Variants in TRPC5 observed in about 807,000 individuals in gnomAD.
TRPC5 encodes the protein short transient receptor potential channel 5.
A neutral mutation model predicts 56.5 loss-of-function variants in TRPC5; 9 were observed. The ratio of observed to expected loss-of-function variants is 0.16; its 90% CI spans 0.10 to 0.28. The LOEUF (loss-of-function observed/expected upper bound fraction) is 0.28. TRPC5 is among the 10% of genes least tolerant of loss of function. TRPC5 has a pLI of 1.00. For synonymous variants in TRPC5, 282 were observed against 278.5 expected (o/e 1.01, Z -0.13); for missense variants, 469 against 748.9 (o/e 0.63, Z 4.36).
intron 1 of TRPC5, among the ~76,000 whole-genome samples, chrX:112,023,234 GTTTTTTTTTTTGTTTTT>G (rs1336006902): frequency 1.5e-3 from 67 of 45,959 alleles, no homozygotes; most frequent in African/African-American, 5.1e-3. Context: ...GCGCCCAGCA[GTTTTTTTTTTTGTTTTT>G]TTTTTTTTTT....
chrX:111,945,524 CCT>C (rs1442434482), intron 2 of TRPC5, among the ~76,000 whole-genome samples: 1 of 110,451 alleles, frequency 9.1e-6, no homozygotes, highest in Non-Finnish European at 1.9e-5. Flanking sequence ...CACACACACC[CCT>C]GTTTGGTGAG....
chrX:112,004,401 A>T (rs1361402520), intron 1 of TRPC5, among the ~76,000 whole-genome samples: 1 of 111,918 alleles, frequency 8.9e-6, no homozygotes, highest in Non-Finnish European at 1.9e-5. Context: ...GTGAGATAGA[A>T]GAATGCTGAA....
At chrX:112,008,721 T>C (rs1391284448) in intron 1 of TRPC5, among the ~76,000 whole-genome samples, 1 of 112,029 alleles carries the variant, frequency 8.9e-6, no homozygotes, top group Non-Finnish European at 1.9e-5. Flanking sequence ...TCAGTTTTTC[T>C]AGGCATAATA....
At chrX:112,032,748 A>G (rs1364076259) in intron 1 of TRPC5, among the ~76,000 whole-genome samples, 4 of 112,190 alleles carry the variant, frequency 3.6e-5, no homozygotes, top group African/African-American at 1.3e-4. Flanking sequence ...AGCAAGGTGC[A>G]AGAGTTCCAA....
intron 1 of TRPC5, among the ~76,000 whole-genome samples, chrX:111,960,569 C>T (rs913785609): frequency 1.8e-5 from 2 of 111,826 alleles, no homozygotes; most frequent in Non-Finnish European, 3.8e-5. Flanking sequence ...AGAATGGAAA[C>T]ACACTGAAAC....
At chrX:111,959,389 G>A (rs1048586111) in intron 1 of TRPC5, among the ~76,000 whole-genome samples, 3 of 111,986 alleles carry the variant, frequency 2.7e-5, no homozygotes, top group African/African-American at 6.5e-5. Context: ...CTCCATGGTA[G>A]CTACTAAGAA....
chrX:112,062,627 TGCAGAGGAA>T (rs1930484900), intron 1 of TRPC5, among the ~76,000 whole-genome samples: 1 of 112,259 alleles, frequency 8.9e-6, no homozygotes, highest in African/African-American at 3.2e-5. Flanking sequence ...TATAGGTAAA[TGCAGAGGAA>T]GCAGAGGTTG....
At chrX:111,823,052 T>C (rs953155110) in intron 7 of TRPC5, among the ~76,000 whole-genome samples, 5 of 112,201 alleles carry the variant, frequency 4.5e-5, no homozygotes, top group African/African-American at 1.6e-4. Flanking sequence ...GTCACCAAAA[T>C]CATTAGCAGG....
intron 2 of TRPC5, among the ~76,000 whole-genome samples, chrX:111,940,161 A>G (rs1926729385): frequency 8.9e-6 from 1 of 111,921 alleles, no homozygotes; most frequent in Admixed American, 9.5e-5. Flanking sequence ...GATAGGAGCT[A>G]TCATCCCACT....
chrX:112,044,365 G>C (rs1451355614), intron 1 of TRPC5, among the ~76,000 whole-genome samples: 1 of 111,591 alleles, frequency 9.0e-6, no homozygotes, highest in Admixed American at 9.6e-5. Flanking sequence ...ACAATAATTA[G>C]AAAAGACAAT....
chrX:111,787,599 C>G (rs1945978599), intron 7 of TRPC5, among the ~76,000 whole-genome samples: 1 of 108,780 alleles, frequency 9.2e-6, no homozygotes. Flanking sequence ...AAAAAAAACC[C>G]TTCAAAAACC....
In TRPC5 at chrX:111,768,953, A is replaced by G. The variant is rs1048009976; in HGVS notation, c.*7360T>C. Among the ~76,000 whole-genome samples the G allele has an allele frequency of 5.6e-5, 6 of 107,934 alleles. No individual in the cohort carries two copies. The highest frequency in any genetic ancestry group is 3.8e-4 in the Admixed American group (4 of 10,396). 93.7% of individuals were successfully genotyped at this position (107,934 alleles called of 115,157 possible). On this transcript the variant is annotated 3_prime_UTR_variant, in exon 11 of 11. Coordinates refer to ENST00000262839, the MANE Select transcript of TRPC5 (RefSeq NM_012471.3). The stretch of plus-strand genomic sequence containing the variant: ...TTAATATGTTTTACAAGGAGGTCCT[A>G]CAAGGTGTGGCCACAACATGATGAG...
In TRPC5 at chrX:111,853,816, C is replaced by T; in HGVS notation, c.1191G>A (p.Gly397=). 8.3e-7 allele frequency: 1 copy of T among 1,211,932 alleles called. No homozygotes were observed. The highest frequency in any genetic ancestry group is 2.3e-4 in the Middle Eastern group (1 of 4,350). Residue 397 remains glycine (G), a synonymous_variant, in exon 4 of 11, where the codon GGG becomes GGA. Transcript: ENST00000262839. ...HIVRTDLHVQ[G]PPPTVVEWMI... ...TCCATTCCACGACAGTTGGGGGAGG[C>T]CCCTGTACATGAAGGTCTGTCCTGA...
At chrX:111,995,089 T>C (rs771416573) in intron 1 of TRPC5, among the ~76,000 whole-genome samples, 6 of 112,057 alleles carry the variant, frequency 5.4e-5, no homozygotes, top group African/African-American at 1.9e-4. Context: ...CTGTATGATA[T>C]TGGCTGTGAG....
In TRPC5 at chrX:111,781,977, G is replaced by T; in HGVS notation, c.2058C>A (p.Asp686Glu). 8.3e-7 allele frequency: 1 copy of T among 1,206,602 alleles called. No homozygotes were observed. The highest frequency in any genetic ancestry group is 1.1e-6 in the Non-Finnish European group (1 of 892,941). The change falls in exon 8 of 11, where the codon GAC becomes GAA. Residue 686 changes from aspartate (D) to glutamate (E), a missense_variant. Around this residue, in one of 3 missense-constraint regions of TRPC5, gnomAD observed 194 missense variants for 221.8 expected, o/e 0.87. Coordinates refer to ENST00000262839, the MANE Select transcript of TRPC5 (RefSeq NM_012471.3). ...WFNNTFCPKR[D>E]PDGRRRRRNL... ...TGCGCCTTCTCCGTCTACCGTCAGGGTCTCTTTTGGGGCAGAAGGTGTTGT... is the reference window on the plus strand; with the variant it reads ...TGCGCCTTCTCCGTCTACCGTCAGGTTCTCTTTTGGGGCAGAAGGTGTTGT...
chrX:112,071,372 A>G (rs1169850565), intron 1 of TRPC5, among the ~76,000 whole-genome samples: 1 of 111,173 alleles, frequency 9.0e-6, no homozygotes, highest in Non-Finnish European at 1.9e-5. Flanking sequence ...GATAAATACC[A>G]TTTTAATCTC....
At chrX:111,815,675 C>T (rs911267637) in intron 7 of TRPC5, among the ~76,000 whole-genome samples, 1 of 110,402 alleles carries the variant, frequency 9.1e-6, no homozygotes, top group African/African-American at 3.3e-5. Context: ...GAGCCAAGAT[C>T]GCACCACTGC....
intron 1 of TRPC5, among the ~76,000 whole-genome samples, chrX:112,016,855 A>G (rs2148664582): frequency 8.9e-6 from 1 of 112,085 alleles, no homozygotes; most frequent in South Asian, 3.7e-4. Flanking sequence ...TCTAAGCCTC[A>G]GTTTTTGCCT....
chrX:111,832,674 C>T (rs1922445769), intron 7 of TRPC5, among the ~76,000 whole-genome samples: 1 of 111,668 alleles, frequency 9.0e-6, no homozygotes. Flanking sequence ...AGATATTATT[C>T]AGAATGGTTG....
Sources: allele counts gnomAD v4.1 joint callset (sites outside exome capture counted in the v4.1 genomes callset), GRCh38; gene constraint gnomAD v4.1.1; regional missense constraint gnomAD v4.1.1; transcripts MANE v1.5; gene names NCBI Gene and HGNC (gene_info 2026-07-23, HGNC 2026-07-21).